CNTNAP5: variants seen among roughly 807,000 people sequenced by gnomAD.
The protein encoded by CNTNAP5 is contactin associated protein family member 5.
In CNTNAP5, 72 loss-of-function variants were observed where a neutral mutation model predicts 150.2. The observed-to-expected ratio is 0.48, with a 90% confidence interval of 0.40 to 0.58. The LOEUF is 0.58. CNTNAP5 is among the 20% of genes least tolerant of loss of function. CNTNAP5 has a pLI of 0.00. For missense variants in CNTNAP5, 1,636 were observed against 1,626.2 expected (o/e 1.01, Z -0.10); for synonymous variants, 672 against 619.8 (o/e 1.08, Z -1.25).
chr2:124,877,702 G>A (rs1012958421), intron 21 of CNTNAP5, among the ~76,000 whole-genome samples: 5 of 152,074 alleles, frequency 3.3e-5, no homozygotes, highest in Admixed American at 1.3e-4. Context: ...TCTGTTGGTA[G>A]TATTAAAGTT....
intron 16 of CNTNAP5, among the ~76,000 whole-genome samples, chr2:124,764,573 G>A (rs1363080230): frequency 5.9e-5 from 9 of 152,034 alleles, no homozygotes; most frequent in Non-Finnish European, 1.5e-5. Context: ...CCCACACTAG[G>A]AGCGTGTGAC....
chr2:124,699,041 T>C (rs138797239), intron 13 of CNTNAP5, among the ~76,000 whole-genome samples: 19 of 152,302 alleles, frequency 1.2e-4, no homozygotes, highest in African/African-American at 4.3e-4. Flanking sequence ...AATGAGCGAT[T>C]TAATATTTAA....
rs570065176 is a variant in CNTNAP5, at chr2:124,649,657, G to T, written c.2077+1699G>T. Among the ~76,000 whole-genome samples the T allele has an allele frequency of 2.0e-4, 30 of 152,316 alleles. 1 individual carries two copies. The South Asian group carries it at 6.0e-3, about 31-fold the overall frequency. ...TGGCAGCAAGTCATATTGGGAGTAAGGGCTTGATGCTGTCATTTACCAGTT... is the reference window on the plus strand; with the variant it reads ...TGGCAGCAAGTCATATTGGGAGTAATGGCTTGATGCTGTCATTTACCAGTT... On this transcript the variant is annotated intron_variant, in intron 13 of 23. Coordinates refer to ENST00000682447, the MANE Select transcript of CNTNAP5 (RefSeq NM_001367498.1).
intron 8 of CNTNAP5, among the ~76,000 whole-genome samples, chr2:124,505,811 G>A (rs543049330): frequency 1.4e-4 from 22 of 152,252 alleles, no homozygotes; most frequent in African/African-American, 3.6e-4. Context: ...ATTGGGCAGG[G>A]ATTGGTCTGC....
chr2:124,833,733 A>G (rs1157562343), intron 19 of CNTNAP5, among the ~76,000 whole-genome samples: 1 of 152,130 alleles, frequency 6.6e-6, no homozygotes, highest in Non-Finnish European at 1.5e-5. Context: ...TCAGGGTTTC[A>G]ATTCAAGTGT....
rs11883516 is a variant in CNTNAP5 at position 124,645,427 on chromosome 2, G to A, written c.1877-2331G>A. Among the ~76,000 whole-genome samples, 1,253 of 152,258 alleles carry A rather than the reference G, an allele frequency of 8.2e-3. 17 individuals carry two copies. The highest frequency in any genetic ancestry group is 0.029 in the African/African-American group (1,198 of 41,556). The stretch of plus-strand genomic sequence containing the variant: ...AAAAAACTTTTTAAAGATTATCTGA[G>A]TGTGATAGTACATACCTGTGGTTCT... On this transcript the variant is annotated intron_variant, in intron 12 of 23. Transcript: ENST00000682447.
chr2:124,223,821 G>A (rs545551504), intron 2 of CNTNAP5, among the ~76,000 whole-genome samples: 25 of 151,308 alleles, frequency 1.7e-4, no homozygotes, highest in South Asian at 1.5e-3. Flanking sequence ...CTTTTCTTCC[G>A]TTTCCCAACA....
intron 13 of CNTNAP5, among the ~76,000 whole-genome samples, chr2:124,705,620 G>A (rs1679619779): frequency 6.6e-6 from 1 of 152,050 alleles, no homozygotes; most frequent in Admixed American, 6.6e-5. Flanking sequence ...TTGAATTAAT[G>A]GGGGTTGACA....
chr2:124,651,504 C>A (rs1678322412), intron 13 of CNTNAP5, among the ~76,000 whole-genome samples: 1 of 152,112 alleles, frequency 6.6e-6, no homozygotes, highest in African/African-American at 2.4e-5. Context: ...GTCATTGTCC[C>A]CATCTGATAT....
At chr2:124,278,687 C>A (rs1558831550) in intron 3 of CNTNAP5, among the ~76,000 whole-genome samples, 1 of 152,146 alleles carries the variant, frequency 6.6e-6, no homozygotes, top group East Asian at 1.9e-4. Context: ...AAACAGGTGA[C>A]CTTTAGCAAA....
chr2:124,703,109 T>TCCTCCCTC (rs149568914), intron 13 of CNTNAP5, among the ~76,000 whole-genome samples: 2 of 143,274 alleles, frequency 1.4e-5, no homozygotes, highest in African/African-American at 2.7e-5. Flanking sequence ...CTTCCTTCCT[T>TCCTCCCTC]CCTCCCTCCC....
At chr2:124,698,375 TACACACACACACACAC>T (rs59897587) in intron 13 of CNTNAP5, among the ~76,000 whole-genome samples, 1 of 147,426 alleles carries the variant, frequency 6.8e-6, no homozygotes, top group Admixed American at 6.8e-5. Context: ...GACGAGAGGA[TACACACACACACACAC>T]ACACACACAC....
chr2:124,486,220 G>A (rs1404661012), intron 7 of CNTNAP5, among the ~76,000 whole-genome samples: 2 of 152,130 alleles, frequency 1.3e-5, no homozygotes, highest in South Asian at 2.1e-4. Flanking sequence ...TCAAACATCA[G>A]AAGTTCTCAC....
intron 13 of CNTNAP5, among the ~76,000 whole-genome samples, chr2:124,674,385 TTTGTTCTTTCTTTCCTTCCTTC>T (rs1678886923): frequency 9.3e-6 from 1 of 107,314 alleles, no homozygotes; most frequent in African/African-American, 3.6e-5. Context: ...CCCTCCCTCC[TTTGTTCTTTCTTTCCTTCCTTC>T]CTTCCCTCCC....
At chr2:124,873,362 A>T (rs1225073406) in intron 21 of CNTNAP5, among the ~76,000 whole-genome samples, 1 of 152,134 alleles carries the variant, frequency 6.6e-6, no homozygotes, top group Non-Finnish European at 1.5e-5. Context: ...AACATTAGGG[A>T]TTACAATTCA....
At chr2:124,779,610 T>G (rs191049458) in intron 17 of CNTNAP5, among the ~76,000 whole-genome samples, 2 of 152,242 alleles carry the variant, frequency 1.3e-5, no homozygotes, top group East Asian at 3.8e-4. Context: ...GAGAATTAGC[T>G]ATAAAATAAT....
chr2:124,367,865 G>A (rs1488811409), intron 3 of CNTNAP5, among the ~76,000 whole-genome samples: 1 of 152,172 alleles, frequency 6.6e-6, no homozygotes, highest in African/African-American at 2.4e-5. Flanking sequence ...GTTCTTGGAA[G>A]AGGACTAGCA....
chr2:124,344,533 G>C (rs1198542083), intron 3 of CNTNAP5, among the ~76,000 whole-genome samples: 1 of 152,104 alleles, frequency 6.6e-6, no homozygotes, highest in African/African-American at 2.4e-5. Context: ...ACTGTGGGAG[G>C]CCGAGGCAGG....
chr2:124,848,554 T>C (rs1435291673), intron 19 of CNTNAP5, among the ~76,000 whole-genome samples: 9 of 152,162 alleles, frequency 5.9e-5, no homozygotes, highest in Admixed American at 5.9e-4. Flanking sequence ...GTTCTCTTTT[T>C]AATTTGTTGA....
Sources: gnomAD v4.1 joint callset for allele counts (sites outside exome capture counted in the v4.1 genomes callset) on GRCh38, gnomAD v4.1.1 for gene constraint, MANE v1.5 for transcripts, NCBI Gene and HGNC (gene_info 2026-07-23, HGNC 2026-07-21) for gene names.